Variants in COL23A1 observed in about 807,000 individuals in gnomAD.
COL23A1 encodes the protein collagen type XXIII alpha 1 chain.
A neutral mutation model predicts 99.3 loss-of-function variants in COL23A1; 97 were observed. That is an observed-to-expected ratio of 0.98 (90% confidence interval 0.83 to 1.16). COL23A1 has a LOEUF of 1.16. Ranked by LOEUF, COL23A1 falls within the 50% of genes most tolerant of loss-of-function variation. The pLI is 0.00. For synonymous variants in COL23A1, 320 were observed against 308.2 expected, an observed-to-expected ratio of 1.04 and a Z score of -0.40; for missense variants, 762 against 757.4, an observed-to-expected ratio of 1.01 and a Z score of -0.07.
intron 2 of COL23A1, among the ~76,000 whole-genome samples, chr5:178,508,003 C>T (rs1434332642): frequency 7.7e-6 from 1 of 129,162 alleles, no homozygotes; most frequent in East Asian, 2.5e-4. Flanking sequence ...GCTCCGTTCT[C>T]TCTTTTTATT....
chr5:178,574,349 T>G (rs1182092479), intron 1 of COL23A1, among the ~76,000 whole-genome samples: 1 of 149,596 alleles, frequency 6.7e-6, no homozygotes, highest in Non-Finnish European at 1.5e-5. Context: ...TCCATCTAAC[T>G]CTACACTTAA....
chr5:178,285,047 C>T (rs1033680881), intron 5 of COL23A1, among the ~76,000 whole-genome samples: 2 of 152,158 alleles, frequency 1.3e-5, no homozygotes, highest in Non-Finnish European at 2.9e-5. Context: ...AATGCATCCT[C>T]GGGAGCAGAG....
intron 2 of COL23A1, among the ~76,000 whole-genome samples, chr5:178,369,656 G>C (rs1762694559): frequency 6.6e-6 from 1 of 152,112 alleles, no homozygotes; most frequent in Non-Finnish European, 1.5e-5. Flanking sequence ...TATAAGGGGA[G>C]TTTCCCTGCA....
At position 178,579,821 on chromosome 5, in the gene COL23A1, G is replaced by A. The variant is rs115940324; in HGVS notation, c.294+10083C>T. ...GATGTCTACAAGGATGTCCACACTCGCAGAAAAAGCTGCTGCTCAAAGCCA... is the reference window on the plus strand; with the variant it reads ...GATGTCTACAAGGATGTCCACACTCACAGAAAAAGCTGCTGCTCAAAGCCA... On this transcript the variant is annotated intron_variant, in intron 1 of 28. Coordinates refer to ENST00000390654, the MANE Select transcript of COL23A1 (RefSeq NM_173465.4). Among the ~76,000 whole-genome samples the A allele has an allele frequency of 8.4e-3, 1,286 of 152,278 alleles. 10 individuals carry two copies. Among genetic ancestry groups the A allele is most frequent in the Middle Eastern group, 0.017 (5 of 294 alleles).
intron 2 of COL23A1, among the ~76,000 whole-genome samples, chr5:178,534,252 G>C (rs769370704): frequency 2.0e-5 from 3 of 152,120 alleles, no homozygotes; most frequent in African/African-American, 7.2e-5. Flanking sequence ...ACCTTCACAC[G>C]GTGGAAGGAA....
intron 2 of COL23A1, among the ~76,000 whole-genome samples, chr5:178,461,829 G>C (rs957414235): frequency 6.6e-6 from 1 of 152,242 alleles, no homozygotes. Context: ...AGGGGTTCAA[G>C]ACAGCAATGG....
chr5:178,443,011 G>A (rs947698136), intron 2 of COL23A1: 8 of 152,270 alleles, frequency 5.3e-5, no homozygotes, highest in African/African-American at 1.9e-4. Flanking sequence ...TAAGGGCCCT[G>A]AAAGGTTTGA....
At chr5:178,356,926 ATAATTAGAGATGCTGCATAAAAAAAAGTC>A (rs1215225294) in intron 2 of COL23A1, among the ~76,000 whole-genome samples, 3 of 152,202 alleles carry the variant, frequency 2.0e-5, no homozygotes, top group African/African-American at 7.2e-5. Context: ...ACCTCTCCAG[ATAATTAGAGATGCTGCATAAAAAAAAGTC>A]TAACACAAAG....
rs182476661 is a variant in COL23A1 at position 178,340,349 on chromosome 5, G to T, written c.362-33430C>A. Among the ~76,000 whole-genome samples, 1 of 152,362 alleles carries T rather than the reference G, an allele frequency of 6.6e-6. No individual in the cohort carries two copies. Among genetic ancestry groups the T allele is most frequent in the East Asian group, 1.9e-4 (1 of 5,192 alleles). On this transcript the variant is annotated intron_variant, in intron 2 of 28. Coordinates refer to ENST00000390654, the MANE Select transcript of COL23A1 (RefSeq NM_173465.4). The surrounding 1 kb of genome is among the most constrained non-coding windows in gnomAD (Gnocchi z 4.7). ...CAGAACAGCTTTGCTGGTGGCTCCAGCGCAGGAGGGGTAGAAGGGGAAATA... is the reference window on the plus strand; with the variant it reads ...CAGAACAGCTTTGCTGGTGGCTCCATCGCAGGAGGGGTAGAAGGGGAAATA...
chr5:178,262,851 T>C (rs992479062), intron 9 of COL23A1, among the ~76,000 whole-genome samples: 4 of 152,018 alleles, frequency 2.6e-5, no homozygotes, highest in Admixed American at 2.0e-4. Context: ...TCAGAGTCTG[T>C]AAGGTTCAGA....
chr5:178,352,088 G>C (rs1466169347), intron 2 of COL23A1: 1 of 152,228 alleles, frequency 6.6e-6, no homozygotes, highest in Non-Finnish European at 1.5e-5. Context: ...AGCAGACTAA[G>C]GCACAGGCCC....
intron 2 of COL23A1, among the ~76,000 whole-genome samples, chr5:178,534,444 G>A (rs947156264): frequency 6.6e-6 from 1 of 152,254 alleles, no homozygotes; most frequent in East Asian, 1.9e-4. Flanking sequence ...TGTAAGGGAG[G>A]GGGCACTGGG....
chr5:178,314,224 T>A lies in COL23A1; in HGVS notation c.362-7305A>T, dbSNP rs1361909049. Among the ~76,000 whole-genome samples the A allele has an allele frequency of 5.4e-5, 5 of 92,424 alleles. No homozygotes were observed. In the East Asian group the frequency reaches 1.0e-3, roughly 19 times the overall value. The allele number at this position is 92,424 out of a possible 152,430, so 60.6% of individuals were successfully genotyped here. On this transcript the variant is annotated intron_variant, in intron 2 of 28. Coordinates refer to ENST00000390654, the MANE Select transcript of COL23A1 (RefSeq NM_173465.4). Reference sequence around the variant, plus strand: ...AAATACAGTTCATTCCGAAGCTGCTTACGTCCCCCCCAGAGTCATCTTCCA... The same window carrying A: ...AAATACAGTTCATTCCGAAGCTGCTAACGTCCCCCCCAGAGTCATCTTCCA...
In COL23A1 at chr5:178,516,657, A is replaced by G. The variant is rs150414505; in HGVS notation, c.361+44025T>C. Among the ~76,000 whole-genome samples, 4 of 152,288 alleles carry G rather than the reference A, an allele frequency of 2.6e-5. No homozygotes were observed. In the East Asian group the frequency reaches 5.8e-4, roughly 22 times the overall value. On this transcript the variant is annotated intron_variant, in intron 2 of 28. Transcript: ENST00000390654. ...TTTGGTCTGACTAGAGAAGATGTGC[A>G]TTTATCCACTTGCCAATTCCTGCCT... is the stretch of plus-strand genomic sequence containing the variant.
chr5:178,347,745 C>T (rs1761058940), intron 2 of COL23A1, among the ~76,000 whole-genome samples: 1 of 151,550 alleles, frequency 6.6e-6, no homozygotes, highest in African/African-American at 2.4e-5. Flanking sequence ...GCTGGGCGCA[C>T]TGGCGGGCGC....
chr5:178,261,304 C>T lies in COL23A1; in HGVS notation c.702+418G>A, dbSNP rs559616681. Reference sequence around the variant, plus strand: ...TGGCACACACCTGTTGTCCCAGCTACTCAGGAGGCTGAGGCAGGAGAATTG... The same window carrying T: ...TGGCACACACCTGTTGTCCCAGCTATTCAGGAGGCTGAGGCAGGAGAATTG... On this transcript the variant is annotated intron_variant, in intron 11 of 28. Coordinates refer to ENST00000390654, the MANE Select transcript of COL23A1 (RefSeq NM_173465.4). 1.1e-4 allele frequency among the ~76,000 whole-genome samples: 16 copies of T among 152,140 alleles called. No homozygotes were observed. The South Asian group carries it at 2.1e-3, about 20-fold the overall frequency.
intron 2 of COL23A1, among the ~76,000 whole-genome samples, chr5:178,312,228 T>C (rs780021000): frequency 6.6e-6 from 1 of 152,180 alleles, no homozygotes; most frequent in Non-Finnish European, 1.5e-5. Context: ...TCTGTGAACC[T>C]CTGGATGAGA....
At chr5:178,392,312 A>G (rs11738251) in intron 2 of COL23A1, among the ~76,000 whole-genome samples, 71,612 of 151,928 alleles carry the variant, frequency 0.47, 17,812 homozygotes, top group South Asian at 0.6. Flanking sequence ...GCAGCATCAC[A>G]ATCTGCCCTG....
intron 2 of COL23A1, among the ~76,000 whole-genome samples, chr5:178,474,877 C>T (rs964076318): frequency 3.9e-5 from 6 of 152,212 alleles, no homozygotes; most frequent in Non-Finnish European, 8.8e-5. Context: ...AATTTACTGT[C>T]TCATTGTTCT....
Sources: allele counts gnomAD v4.1 joint callset (sites outside exome capture counted in the v4.1 genomes callset), GRCh38; gene constraint gnomAD v4.1.1; non-coding constraint Gnocchi (gnomAD v3.1); transcripts MANE v1.5; gene names NCBI Gene and HGNC (gene_info 2026-07-23, HGNC 2026-07-21).